JAK2: variants seen among roughly 807,000 people sequenced by gnomAD.
The protein encoded by JAK2 is Janus kinase 2.
Under a neutral mutation model 139.3 loss-of-function variants are expected in JAK2, and 86 were observed. The ratio of observed to expected loss-of-function variants is 0.62; its 90% CI spans 0.52 to 0.74. The LOEUF (loss-of-function observed/expected upper bound fraction) is 0.74, where lower values mean the gene tolerates loss of function less well. Ranked by LOEUF, JAK2 falls within the 30% of genes least tolerant of loss-of-function variation. The pLI is 0.00. For synonymous variants in JAK2, 490 were observed against 437.7 expected (o/e 1.12, Z -1.49); for missense variants, 1,421 against 1,360.3 (o/e 1.04, Z -0.70).
At chr9:5,116,150 C>A (rs758635233) in intron 22 of JAK2, among the ~76,000 whole-genome samples, 1 of 151,904 alleles carries the variant, frequency 6.6e-6, no homozygotes, top group East Asian at 1.9e-4. Flanking sequence ...TCATAACAAC[C>A]CTTGGAGAAC....
At chr9:5,046,358 TG>T (rs768969245) in intron 5 of JAK2, among the ~76,000 whole-genome samples, 6 of 152,190 alleles carry the variant, frequency 3.9e-5, no homozygotes, top group Non-Finnish European at 8.8e-5. Flanking sequence ...TTCTCTAGGT[TG>T]CCTTTTCATT....
chr9:5,035,849 C>A (rs572002348), intron 4 of JAK2, among the ~76,000 whole-genome samples: 2 of 152,320 alleles, frequency 1.3e-5, no homozygotes, highest in East Asian at 3.9e-4. Context: ...CTCACCACTC[C>A]TATTCAACAT....
At chr9:5,097,052 C>T (rs1044933779) in intron 22 of JAK2, 4 of 152,112 alleles carry the variant, frequency 2.6e-5, no homozygotes, top group Non-Finnish European at 4.4e-5. Context: ...ACAGTTTATC[C>T]CCCTTTAGCT....
intron 23 of JAK2, among the ~76,000 whole-genome samples, chr9:5,125,058 G>A (rs1028001834): frequency 6.6e-6 from 1 of 150,886 alleles, no homozygotes; most frequent in African/African-American, 2.4e-5. Context: ...ACCTTCCAAA[G>A]TAATTTTTCT....
chr9:5,018,646 G>C (rs1822222733), intron 2 of JAK2, among the ~76,000 whole-genome samples: 1 of 152,170 alleles, frequency 6.6e-6, no homozygotes, highest in African/African-American at 2.4e-5. Context: ...GCCTGACATT[G>C]TTCTTTGACT....
intron 2 of JAK2, among the ~76,000 whole-genome samples, chr9:4,996,567 G>C (rs557365429): frequency 6.6e-6 from 1 of 151,442 alleles, no homozygotes; most frequent in South Asian, 2.1e-4. Context: ...TAGATTTTTT[G>C]GTTTTTTTGA....
chr9:5,078,549 C>A (rs1377524557), intron 16 of JAK2, 105 bp downstream of exon 16: 9 of 784,648 alleles, frequency 1.1e-5, no homozygotes, highest in East Asian at 2.6e-5. Flanking sequence ...TTTGTATGTT[C>A]CTGATTAATA....
chr9:5,012,996 T>G (rs1821798606), intron 2 of JAK2, among the ~76,000 whole-genome samples: 2 of 152,080 alleles, frequency 1.3e-5, no homozygotes, highest in South Asian at 4.1e-4. Flanking sequence ...AAAAAGCCAA[T>G]GGATGGATTT....
chr9:5,107,926 G>A (rs1455328075), intron 22 of JAK2: 2 of 152,038 alleles, frequency 1.3e-5, no homozygotes, highest in Non-Finnish European at 2.9e-5. Context: ...ATTTACTTCA[G>A]TGCTAAAAAT....
chr9:5,050,576 G>T lies in JAK2; in HGVS notation c.469-110G>T, dbSNP rs567361824. On this transcript the variant is annotated intron_variant, in intron 5 of 24. Transcript: ENST00000381652. ...ATGAGCCACTGAGCCTGGCCAATTTGTATCTTGTAAATGCATATGTTCTGA... is the reference window on the plus strand; with the variant it reads ...ATGAGCCACTGAGCCTGGCCAATTTTTATCTTGTAAATGCATATGTTCTGA... The T allele has an allele frequency of 5.2e-6, 6 of 1,161,602 alleles. No individual in the cohort carries two copies. In the African/African-American group the frequency reaches 7.9e-5, roughly 15 times the overall value. 72.0% of individuals were successfully genotyped at this position (1,161,602 alleles called of 1,614,324 possible).
In JAK2 at chr9:5,054,881, A is replaced by G; in HGVS notation, c.933A>G (p.Glu311=). The part of the protein sequence containing the change: ...GKHKESETLT[E]QDLQLYCDFP... ...ATAAAGAAAGTGAGACACTGACAGA[A>G]CAGGTAATCCTTAATGATATGTTCT... Residue 311 remains glutamate, a synonymous_variant, in exon 7 of 25, where the codon GAA becomes GAG. Transcript: ENST00000381652. The surrounding 1 kb of genome is among the most constrained non-coding windows in gnomAD (Gnocchi z 4.9). 6.3e-7 allele frequency: 1 copy of G among 1,584,028 alleles called. No homozygotes were observed. Among genetic ancestry groups the G allele is most frequent in the Non-Finnish European group, 8.6e-7 (1 of 1,161,308 alleles).
intron 19 of JAK2, among the ~76,000 whole-genome samples, chr9:5,086,264 G>A (rs1820105693): frequency 6.6e-6 from 1 of 152,088 alleles, no homozygotes; most frequent in Non-Finnish European, 1.5e-5. Context: ...CTCCGCCTCT[G>A]GCCCGCGATC....
chr9:5,024,086 C>G (rs10974920), intron 3 of JAK2, among the ~76,000 whole-genome samples: 1 of 152,164 alleles, frequency 6.6e-6, no homozygotes, highest in East Asian at 1.9e-4. Flanking sequence ...GAAACCTCAT[C>G]TCTGCTAAAA....
chr9:5,124,387 A>G (rs1823841241), intron 23 of JAK2, among the ~76,000 whole-genome samples: 1 of 151,600 alleles, frequency 6.6e-6, no homozygotes, highest in East Asian at 1.9e-4. Context: ...ATTTTTCTAT[A>G]TGGTGATAAA....
intron 8 of JAK2, among the ~76,000 whole-genome samples, chr9:5,060,316 C>T (rs1016001205): frequency 6.6e-6 from 1 of 152,134 alleles, no homozygotes; most frequent in African/African-American, 2.4e-5. Context: ...TTTACTGCAT[C>T]AGTAGACTCT....
intron 8 of JAK2, among the ~76,000 whole-genome samples, chr9:5,059,208 C>T (rs1817986117): frequency 6.6e-6 from 1 of 152,176 alleles, no homozygotes. Flanking sequence ...TAGAAGGTTT[C>T]CACATGCATC....
intron 18 of JAK2, among the ~76,000 whole-genome samples, chr9:5,081,302 T>C (rs1035003976): frequency 6.6e-6 from 1 of 152,170 alleles, no homozygotes; most frequent in Admixed American, 6.5e-5. Flanking sequence ...CAATTCTCTT[T>C]AACATTTCTC....
chr9:5,105,676 T>C (rs542550011), intron 22 of JAK2, among the ~76,000 whole-genome samples: 34 of 152,286 alleles, frequency 2.2e-4, no homozygotes, highest in African/African-American at 7.0e-4. Flanking sequence ...ACTACAAGGC[T>C]ACCGTAACCA....
At chr9:5,009,152 A>T (rs528309387) in intron 2 of JAK2, among the ~76,000 whole-genome samples, 4 of 152,234 alleles carry the variant, frequency 2.6e-5, no homozygotes, top group Non-Finnish European at 5.9e-5. Context: ...CACAAATCTT[A>T]AAATAACTGG....
Sources: allele counts gnomAD v4.1 joint callset (sites outside exome capture counted in the v4.1 genomes callset), GRCh38; gene constraint gnomAD v4.1.1; non-coding constraint Gnocchi (gnomAD v3.1); transcripts MANE v1.5; gene names NCBI Gene and HGNC (gene_info 2026-07-23, HGNC 2026-07-21).